ABAT: variants seen among roughly 807,000 people sequenced by gnomAD.
ABAT encodes 4-aminobutyrate aminotransferase, mitochondrial.
A neutral mutation model predicts 64.6 loss-of-function variants in ABAT; 45 were observed. The ratio of observed to expected loss-of-function variants is 0.70; its 90% CI spans 0.55 to 0.89. The LOEUF (loss-of-function observed/expected upper bound fraction) is 0.89. Ranked by LOEUF, ABAT falls within the 40% of genes least tolerant of loss-of-function variation. The pLI, the probability that ABAT is intolerant of heterozygous loss-of-function variation, is 0.00. For missense variants in ABAT, 633 were observed against 658.4 expected, an observed-to-expected ratio of 0.96 and a Z score of 0.42; for synonymous variants, 297 against 250.5, an observed-to-expected ratio of 1.19 and a Z score of -1.75.
chr16:8,779,732 C>T (rs573651639), intron 15 of ABAT, 142 bp downstream of exon 15: 20 of 715,808 alleles, frequency 2.8e-5, no homozygotes, highest in Non-Finnish European at 4.7e-5. Context: ...AATGCTCTTT[C>T]TCCAAAGAAG....
In ABAT at chr16:8,729,122, C is replaced by T. The variant is rs114380320; in HGVS notation, c.-41-6577C>T. Among the ~76,000 whole-genome samples, 883 of 148,092 alleles carry T rather than the reference C, an allele frequency of 6.0e-3. 13 individuals are homozygous for T. The highest frequency in any genetic ancestry group is 0.021 in the African/African-American group (845 of 40,066). On this transcript the variant is annotated intron_variant, in intron 1 of 15. Coordinates refer to ENST00000268251, the MANE Select transcript of ABAT (RefSeq NM_020686.6). ...AGGAGTTCAAGACCATCCTTCACAA[C>T]GTGAGAAAAACCTGGCTCTACTGAA...
chr16:8,736,092 T>C, intron 2 of ABAT: 2 of 457,188 alleles, frequency 4.4e-6, no homozygotes, highest in South Asian at 4.3e-5. Context: ...ACGTCTTACA[T>C]GGCTACAGGC....
At chr16:8,772,986 C>CCAGCAG (rs2060158627) in intron 12 of ABAT, 69 bp downstream of exon 12, 9 of 1,597,002 alleles carry the variant, frequency 5.6e-6, no homozygotes, top group Non-Finnish European at 7.7e-6. Context: ...GAGTAACGGG[C>CCAGCAG]CAGCAGCACC....
intron 1 of ABAT, 39 bp from the exon 2 acceptor site, chr16:8,735,660 T>C (rs1393557016): frequency 1.1e-5 from 16 of 1,511,182 alleles, no homozygotes; most frequent in Non-Finnish European, 1.4e-5. Flanking sequence ...AGGGGAGTGG[T>C]CTTCATGGGC....
Position 8,723,809 on chromosome 16 carries a change from T to TTATATATATATA in ABAT, c.-41-11882_-41-11871dup. On this transcript the variant is annotated intron_variant, in intron 1 of 15. Transcript: ENST00000268251. ...GGGCAGTGGTTTGGATCCAAGCTTT[T>TTATATATATATA]TATATATATATATATATATTTTTTT... 2.2e-3 allele frequency among the ~76,000 whole-genome samples: 100 copies of TTATATATATATA among 44,820 alleles called. 3 individuals carry two copies. Among genetic ancestry groups the TTATATATATATA allele is most frequent in the African/African-American group, 3.4e-3 (42 of 12,226 alleles). The allele number at this position is 44,820 out of a possible 152,430, so 29.4% of individuals were successfully genotyped here.
chr16:8,738,520 T>G (rs2059051791), intron 2 of ABAT: 1 of 452,566 alleles, frequency 2.2e-6, no homozygotes, highest in Non-Finnish European at 4.4e-6. Context: ...AGTTTCTCAG[T>G]CTTTTCCTTA....
chr16:8,692,437 C>A (rs144362076), intron 1 of ABAT, among the ~76,000 whole-genome samples: 1 of 152,072 alleles, frequency 6.6e-6, no homozygotes, highest in African/African-American at 2.4e-5. Context: ...AAAATGCTTT[C>A]GGCAACATGG....
At chr16:8,737,982 A>AAGGC (rs2059011442) in intron 2 of ABAT, among the ~76,000 whole-genome samples, 1 of 85,720 alleles carries the variant, frequency 1.2e-5, no homozygotes, top group Non-Finnish European at 2.3e-5. Flanking sequence ...GGAAGGAAGG[A>AAGGC]AGGAAGGAGG....
intron 1 of ABAT, among the ~76,000 whole-genome samples, chr16:8,686,878 A>T (rs1344173779): frequency 6.6e-6 from 1 of 152,224 alleles, no homozygotes; most frequent in Non-Finnish European, 1.5e-5. Flanking sequence ...AATGCTGAAT[A>T]TGAACTGATG....
intron 6 of ABAT, among the ~76,000 whole-genome samples, chr16:8,761,733 G>T (rs991614428): frequency 1.3e-5 from 2 of 152,146 alleles, no homozygotes; most frequent in African/African-American, 4.8e-5. Flanking sequence ...TGGGTCTTCC[G>T]CATTTTTGGC....
chr16:8,734,755 C>T (rs577172402), intron 1 of ABAT, among the ~76,000 whole-genome samples: 2 of 152,048 alleles, frequency 1.3e-5, no homozygotes, highest in East Asian at 3.9e-4. Flanking sequence ...AATACACATA[C>T]CAATTAACAA....
At position 8,781,169 on chromosome 16, in the gene ABAT, C is replaced by T. The variant is rs112168792; in HGVS notation, c.1382-140C>T. 82 of 1,384,380 alleles carry T rather than the reference C, an allele frequency of 5.9e-5. No homozygotes were observed. In the East Asian group the frequency reaches 9.9e-4, roughly 17 times the overall value. 85.8% of individuals were successfully genotyped at this position (1,384,380 alleles called of 1,614,324 possible). On this transcript the variant is annotated intron_variant, in intron 15 of 15. Coordinates refer to ENST00000268251, the MANE Select transcript of ABAT (RefSeq NM_020686.6). The surrounding 1 kb of genome is among the most constrained non-coding windows in gnomAD (Gnocchi z 4.5). ...ATGGGTGGGTGGTAGGAAGGAAGCC[C>T]GGGCTTCCATGATGGAGGATGATGG...
chr16:8,773,859 C>A (rs1241418734), intron 12 of ABAT, among the ~76,000 whole-genome samples: 2 of 152,228 alleles, frequency 1.3e-5, no homozygotes, highest in African/African-American at 4.8e-5. Context: ...GTTCCATCCA[C>A]GTCATTGCTA....
intron 1 of ABAT, chr16:8,713,848 C>G (rs1370840797): frequency 4.4e-6 from 2 of 456,084 alleles, no homozygotes; most frequent in Admixed American, 4.7e-5. Flanking sequence ...CGCCGCAGGA[C>G]TCCGACTACC....
intron 1 of ABAT, among the ~76,000 whole-genome samples, chr16:8,706,240 T>A (rs7192026): frequency 0.27 from 38,761 of 145,728 alleles, 5,449 homozygotes; most frequent in African/African-American, 0.37. Flanking sequence ...TAAAAAAAAA[T>A]ATATATATAT....
intron 1 of ABAT, among the ~76,000 whole-genome samples, chr16:8,730,491 G>A (rs1008254215): frequency 2.0e-5 from 3 of 152,106 alleles, no homozygotes; most frequent in Non-Finnish European, 2.9e-5. Context: ...CTCTGAACCC[G>A]CCTGTCATTC....
intron 1 of ABAT, among the ~76,000 whole-genome samples, chr16:8,694,742 C>T (rs142042997): frequency 6.6e-6 from 1 of 152,256 alleles, no homozygotes; most frequent in East Asian, 1.9e-4. Flanking sequence ...AAAAAAGCGG[C>T]TCAAATTCCA....
rs575212779 is a variant in ABAT at position 8,686,268 on chromosome 16, G to C, written c.-42+11557G>C. ...CATTTGTGCAAATGAATGCCTGCAT[G>C]CAAATTTGCATGCCTGGCATCCTGC... is the stretch of plus-strand genomic sequence containing the variant. On this transcript the variant is annotated intron_variant, in intron 1 of 15. Coordinates refer to ENST00000268251, the MANE Select transcript of ABAT (RefSeq NM_020686.6). 2.6e-5 allele frequency among the ~76,000 whole-genome samples: 4 copies of C among 152,332 alleles called. No homozygotes were observed. The East Asian group carries it at 7.7e-4, about 29-fold the overall frequency.
intron 1 of ABAT, among the ~76,000 whole-genome samples, chr16:8,728,000 G>A (rs148685342): frequency 6.6e-6 from 1 of 152,328 alleles, no homozygotes; most frequent in Non-Finnish European, 1.5e-5. Context: ...GAGCCCGGGC[G>A]ATAGAGGCTG....
Sources: gnomAD v4.1 joint callset for allele counts (sites outside exome capture counted in the v4.1 genomes callset) on GRCh38, gnomAD v4.1.1 for gene constraint, Gnocchi (gnomAD v3.1) non-coding constraint, MANE v1.5 for transcripts, NCBI Gene and HGNC (gene_info 2026-07-23, HGNC 2026-07-21) for gene names.